The following TMEM132B variants were observed in gnomAD, a reference collection of about 807,000 sequenced individuals.
TMEM132B encodes the protein transmembrane protein 132B.
In TMEM132B, 18 loss-of-function variants were observed where a neutral mutation model predicts 90.8. That is an observed-to-expected ratio of 0.20 (90% CI 0.14 to 0.29). TMEM132B has a LOEUF of 0.29. Among genes scored for constraint, TMEM132B ranks in the 10% least tolerant of loss-of-function variants. The probability of loss-of-function intolerance (pLI) is 1.00; values close to 1 mark genes in which losing one functional copy is unlikely to be tolerated. For synonymous variants in TMEM132B, 504 were observed against 523.3 expected, an observed-to-expected ratio of 0.96 and a Z score of 0.50; for missense variants, 1,096 against 1,326.8, an observed-to-expected ratio of 0.83 and a Z score of 2.70.
At chr12:125,542,831 T>C (rs2136733447) in intron 4 of TMEM132B, among the ~76,000 whole-genome samples, 1 of 152,362 alleles carries the variant, frequency 6.6e-6, no homozygotes, top group African/African-American at 2.4e-5. Flanking sequence ...CCTTGCTTTC[T>C]GTTCTTTTGA....
At chr12:125,229,885 T>C (rs1470400960) in intron 1 of TMEM132B, among the ~76,000 whole-genome samples, 1 of 152,224 alleles carries the variant, frequency 6.6e-6, no homozygotes, top group Admixed American at 6.5e-5. Context: ...GATTAATCAT[T>C]CCTCTCATAA....
At chr12:125,254,770 G>A (rs1261199879) in intron 1 of TMEM132B, among the ~76,000 whole-genome samples, 1 of 145,442 alleles carries the variant, frequency 6.9e-6, no homozygotes, top group Non-Finnish European at 1.5e-5. Flanking sequence ...TGCAACCTCC[G>A]CCTCCCGAGT....
intron 2 of TMEM132B, among the ~76,000 whole-genome samples, chr12:125,385,987 C>T (rs1001945033): frequency 6.6e-6 from 1 of 151,864 alleles, no homozygotes; most frequent in Non-Finnish European, 1.5e-5. Context: ...TGCTTGTTTG[C>T]TTGTTTGTTT....
intron 2 of TMEM132B, among the ~76,000 whole-genome samples, chr12:125,379,354 A>G (rs1394043530): frequency 6.6e-6 from 1 of 152,178 alleles, no homozygotes; most frequent in African/African-American, 2.4e-5. Context: ...AGAGCACTGA[A>G]TTCTACAGTG....
In TMEM132B at chr12:125,458,012, C is replaced by T. The variant is rs541224130; in HGVS notation, c.1106+42335C>T. ...CAGAGCTGTATCAGGATGGGGTGTA[C>T]GTCTCAGGTGATCCCTGGAGAGGTT... On this transcript the variant is annotated intron_variant, in intron 3 of 8. Transcript: ENST00000682704. The surrounding 1 kb of genome is among the most constrained non-coding windows in gnomAD (Gnocchi z 4.9). Among the ~76,000 whole-genome samples the T allele has an allele frequency of 7.9e-4, 120 of 152,062 alleles. No homozygotes were observed. Among genetic ancestry groups the T allele is most frequent in the East Asian group, 1.2e-3 (6 of 5,156 alleles).
Position 125,658,830 on chromosome 12 carries a change from T to C in TMEM132B, c.*4120T>C, listed in dbSNP as rs372055082. ...ATCATGAAATGCACTGAATTTGGAATTCTGGCCTAGAAAGGCTGTGGCTTA... is the reference window on the plus strand; with the variant it reads ...ATCATGAAATGCACTGAATTTGGAACTCTGGCCTAGAAAGGCTGTGGCTTA... On this transcript the variant is annotated 3_prime_UTR_variant, in exon 9 of 9. Transcript: ENST00000682704. The C allele has an allele frequency of 6.6e-6, 1 of 152,208 alleles. No individual in the cohort carries two copies. The highest frequency in any genetic ancestry group is 6.5e-5 in the Admixed American group (1 of 15,284). 9.4% of individuals were successfully genotyped at this position (152,208 alleles called of 1,614,324 possible).
intron 3 of TMEM132B, among the ~76,000 whole-genome samples, chr12:125,514,837 C>A (rs1883067047): frequency 6.6e-6 from 1 of 152,136 alleles, no homozygotes; most frequent in South Asian, 2.1e-4. Flanking sequence ...GGACACACTG[C>A]TGGGTTAGGT....
chr12:125,658,733 T>C lies in TMEM132B; in HGVS notation c.*4023T>C, dbSNP rs781738411. 19 of 152,236 alleles carry C rather than the reference T, an allele frequency of 1.2e-4. No individual in the cohort carries two copies. The highest frequency in any genetic ancestry group is 2.5e-4 in the Non-Finnish European group (17 of 68,046). 9.4% of individuals were successfully genotyped at this position (152,236 alleles called of 1,614,324 possible). A position where few individuals can be genotyped will look rare whatever the true frequency, so the allele number is the denominator to read the frequency against. On this transcript the variant is annotated 3_prime_UTR_variant, in exon 9 of 9. Coordinates refer to ENST00000682704, the MANE Select transcript of TMEM132B (RefSeq NM_001366854.1). ...AAGTGAAAGCATGCAAAATCGTAGC[T>C]TTTAAATGTACAGACATCCCACTCA...
At position 125,429,053 on chromosome 12, in the gene TMEM132B, T is replaced by C. The variant is rs1039315482; in HGVS notation, c.1106+13376T>C. Reference sequence around the variant, plus strand: ...TTGGGCATATACTACAGGGATTTCTTGTATTAGCTTCCCACTCACTCTATA... The same window carrying C: ...TTGGGCATATACTACAGGGATTTCTCGTATTAGCTTCCCACTCACTCTATA... On this transcript the variant is annotated intron_variant, in intron 3 of 8. Coordinates refer to ENST00000682704, the MANE Select transcript of TMEM132B (RefSeq NM_001366854.1). 7.9e-5 allele frequency among the ~76,000 whole-genome samples: 12 copies of C among 152,226 alleles called. 1 individual carries two copies. Among genetic ancestry groups the C allele is most frequent in the Admixed American group, 7.9e-4 (12 of 15,286 alleles).
In TMEM132B at chr12:125,659,281, C is replaced by G. The variant is rs186396019; in HGVS notation, c.*4571C>G. 5.3e-5 allele frequency: 8 copies of G among 152,342 alleles called. No homozygotes were observed. The highest frequency in any genetic ancestry group is 1.9e-4 in the African/African-American group (8 of 41,582). 9.4% of individuals were successfully genotyped at this position (152,342 alleles called of 1,614,324 possible). The stretch of plus-strand genomic sequence containing the variant: ...CTCTCCAGATGTCTCAGAAAAAGAT[C>G]TCCTGTTTCTCATGGCCCCGTCCAG... On this transcript the variant is annotated 3_prime_UTR_variant, in exon 9 of 9. Coordinates refer to ENST00000682704, the MANE Select transcript of TMEM132B (RefSeq NM_001366854.1).
At chr12:125,274,803 C>T (rs920864382) in intron 1 of TMEM132B, among the ~76,000 whole-genome samples, 1 of 152,096 alleles carries the variant, frequency 6.6e-6, no homozygotes, top group Non-Finnish European at 1.5e-5. Flanking sequence ...AACTTAAATG[C>T]CCACGGCCTC....
At chr12:125,536,667 T>A (rs1179916527) in intron 4 of TMEM132B, among the ~76,000 whole-genome samples, 1 of 152,226 alleles carries the variant, frequency 6.6e-6, no homozygotes, top group African/African-American at 2.4e-5. Context: ...GACACCTTCT[T>A]TACCAGATGG....
At chr12:125,326,402 G>T in intron 1 of TMEM132B, 1 of 609,174 alleles carries the variant, frequency 1.6e-6, no homozygotes. Context: ...TCCAGACTTG[G>T]TTGAAAAAGT....
At chr12:125,393,520 A>T (rs557520574) in intron 2 of TMEM132B, among the ~76,000 whole-genome samples, 5 of 152,208 alleles carry the variant, frequency 3.3e-5, no homozygotes, top group Admixed American at 3.3e-4. Context: ...TGAAAGATGG[A>T]TAAGATTATC....
chr12:125,486,929 A>G (rs1469712435), intron 3 of TMEM132B, among the ~76,000 whole-genome samples: 1 of 152,218 alleles, frequency 6.6e-6, no homozygotes, highest in Non-Finnish European at 1.5e-5. Flanking sequence ...ACCTCAAGGA[A>G]TGTATGCAGA....
At chr12:125,604,112 A>T (rs1047601083) in intron 5 of TMEM132B, among the ~76,000 whole-genome samples, 2 of 152,194 alleles carry the variant, frequency 1.3e-5, no homozygotes, top group African/African-American at 4.8e-5. Context: ...ACCTAAAGGA[A>T]TGTAAATCAT....
chr12:125,440,815 A>C (rs1163183672), intron 3 of TMEM132B, among the ~76,000 whole-genome samples: 1 of 152,128 alleles, frequency 6.6e-6, no homozygotes, highest in African/African-American at 2.4e-5. Flanking sequence ...TACATATTTC[A>C]GGTGTCTCTG....
intron 3 of TMEM132B, among the ~76,000 whole-genome samples, chr12:125,455,043 A>G (rs1025288890): frequency 1.3e-5 from 2 of 152,196 alleles, no homozygotes; most frequent in African/African-American, 4.8e-5. Flanking sequence ...ACGCAGTTTG[A>G]GTTTACTAGA....
chr12:125,196,981 A>G lies in TMEM132B; in HGVS notation c.67+10115A>G, dbSNP rs551358262. On this transcript the variant is annotated intron_variant, in intron 1 of 8. Transcript: ENST00000682704. ...TTTGGTATTCATTTTTCCTGCTGAA[A>G]TCACTAAGATTTTTGTTTTTAATTA... Among the ~76,000 whole-genome samples the G allele has an allele frequency of 4.6e-5, 7 of 152,282 alleles. No homozygotes were observed. The South Asian group carries it at 1.5e-3, about 32-fold the overall frequency.
Sources: allele counts gnomAD v4.1 joint callset (sites outside exome capture counted in the v4.1 genomes callset), GRCh38; gene constraint gnomAD v4.1.1; non-coding constraint Gnocchi (gnomAD v3.1); transcripts MANE v1.5; gene names NCBI Gene and HGNC (gene_info 2026-07-23, HGNC 2026-07-21).